SEMA3D: variants seen among roughly 807,000 people sequenced by gnomAD.
SEMA3D encodes semaphorin-3D.
Under a neutral mutation model 100.1 loss-of-function variants are expected in SEMA3D, and 84 were observed. The ratio of observed to expected loss-of-function variants is 0.84; its 90% CI spans 0.70 to 1.01. SEMA3D has a LOEUF of 1.01. SEMA3D is among the 50% of genes least tolerant of loss of function. The pLI, the probability that SEMA3D is intolerant of heterozygous loss-of-function variation, is 0.00. For missense variants in SEMA3D, 875 were observed against 934.1 expected (o/e 0.94, Z 0.82); for synonymous variants, 312 against 320.7 (o/e 0.97, Z 0.29).
At chr7:85,162,289 A>G (rs1377777713) in intron 1 of SEMA3D, among the ~76,000 whole-genome samples, 1 of 152,138 alleles carries the variant, frequency 6.6e-6, no homozygotes, top group Non-Finnish European at 1.5e-5. Flanking sequence ...CAATTCATGT[A>G]CTAAGTCACA....
At chr7:85,161,402 T>C (rs1790740417) in intron 1 of SEMA3D, among the ~76,000 whole-genome samples, 2 of 152,064 alleles carry the variant, frequency 1.3e-5, no homozygotes, top group African/African-American at 4.8e-5. Flanking sequence ...TATAGATAGA[T>C]ACAGAAATAA....
chr7:85,040,739 T>C lies in SEMA3D; in HGVS notation c.980A>G (p.Asp327Gly). ...GADTYFDELQ[D>G]IYLLPTRDER... ...ATCTCTTGTGGGGAGTAAATAAATA[T>C]CTTCTATTAAAGGGGAAAAATAAAT... Residue 327 changes from aspartate (D) to glycine (G), a missense_variant, in exon 11 of 19, where the codon GAT becomes GGT. By Grantham distance (94) the Asp-to-Gly change is moderately conservative. Coordinates refer to ENST00000284136, the MANE Select transcript of SEMA3D (RefSeq NM_001384900.1). The C allele has an allele frequency of 7.5e-7, 1 of 1,330,466 alleles. No individual in the cohort carries two copies. 82.4% of individuals were successfully genotyped at this position (1,330,466 alleles called of 1,614,324 possible). A position where few individuals can be genotyped will look rare whatever the true frequency, so the allele number is the denominator to read the frequency against.
intron 4 of SEMA3D, among the ~76,000 whole-genome samples, chr7:85,090,551 G>A (rs1788353977): frequency 6.6e-6 from 1 of 152,120 alleles, no homozygotes; most frequent in East Asian, 1.9e-4. Context: ...AGAATTAAAA[G>A]ACTGATGATT....
the SEMA3D span, among the ~76,000 whole-genome samples, chr7:85,243,239 T>A: frequency 1.3e-5 from 2 of 152,206 alleles, no homozygotes; most frequent in Non-Finnish European, 2.9e-5. Context: ...TATTTCAAAA[T>A]GGTTTGCTTT....
chr7:85,091,167 AAGGAAAGAAGGAAG>A (rs2116282777), intron 4 of SEMA3D, among the ~76,000 whole-genome samples: 1 of 122,822 alleles, frequency 8.1e-6, no homozygotes, highest in African/African-American at 4.5e-5. Context: ...GGAAGGAAGG[AAGGAAAGAAGGAAG>A]GAAGGAAGAG....
At chr7:85,164,983 T>C (rs1458205909) in intron 1 of SEMA3D, among the ~76,000 whole-genome samples, 1 of 109,588 alleles carries the variant, frequency 9.1e-6, no homozygotes, top group African/African-American at 4.0e-5. Flanking sequence ...CTCCTAATGC[T>C]ATCCCTCCCC....
At chr7:85,135,234 T>A (rs1789824135) in intron 2 of SEMA3D, among the ~76,000 whole-genome samples, 1 of 152,138 alleles carries the variant, frequency 6.6e-6, no homozygotes, top group African/African-American at 2.4e-5. Flanking sequence ...TACATAGTAC[T>A]TGCAAAATAA....
At chr7:85,048,361 T>A (rs1252718677) in intron 9 of SEMA3D, among the ~76,000 whole-genome samples, 1 of 151,720 alleles carries the variant, frequency 6.6e-6, no homozygotes, top group Admixed American at 6.6e-5. Context: ...TGGGGCTGTA[T>A]AAATAAATAA....
chr7:85,063,290 G>A (rs1294804717), intron 8 of SEMA3D, among the ~76,000 whole-genome samples: 5 of 152,054 alleles, frequency 3.3e-5, no homozygotes, highest in Admixed American at 6.5e-5. Flanking sequence ...AAAAGAACAG[G>A]AGCAAACTGA....
chr7:85,192,040 G>A (rs1483927771), upstream of SEMA3D, among the ~76,000 whole-genome samples: 1 of 152,008 alleles, frequency 6.6e-6, no homozygotes, highest in Non-Finnish European at 1.5e-5. Flanking sequence ...GTATAATAAA[G>A]CATTTAAGAT....
chr7:85,108,933 T>A (rs1031577553), intron 3 of SEMA3D, among the ~76,000 whole-genome samples: 5 of 151,824 alleles, frequency 3.3e-5, no homozygotes, highest in African/African-American at 1.2e-4. Flanking sequence ...TTAACATGCA[T>A]TTACTTGAAA....
At chr7:85,136,965 T>C (rs1049792377) in intron 2 of SEMA3D, among the ~76,000 whole-genome samples, 1 of 152,108 alleles carries the variant, frequency 6.6e-6, no homozygotes, top group Non-Finnish European at 1.5e-5. Flanking sequence ...GTAAATTTAG[T>C]ATGTTGATAT....
chr7:85,204,912 A>G, the SEMA3D span, among the ~76,000 whole-genome samples: 3 of 152,124 alleles, frequency 2.0e-5, no homozygotes, highest in Non-Finnish European at 4.4e-5. Context: ...ATATCCTAAT[A>G]AATAGTAACA....
chr7:85,219,645 C>T, the SEMA3D span, among the ~76,000 whole-genome samples: 1 of 152,012 alleles, frequency 6.6e-6, no homozygotes, highest in East Asian at 1.9e-4. Flanking sequence ...CAGGCACACA[C>T]TCACAGGAGA....
At chr7:85,147,092 CTTTTTTTTTTTT>C (rs752922884) in intron 2 of SEMA3D, among the ~76,000 whole-genome samples, 6 of 48,180 alleles carry the variant, frequency 1.2e-4, no homozygotes, top group African/African-American at 2.9e-4. Flanking sequence ...TTTTTCTTTT[CTTTTTTTTTTTT>C]TTTTTTTTTT....
chr7:85,238,538 A>G, the SEMA3D span, among the ~76,000 whole-genome samples: 75 of 152,264 alleles, frequency 4.9e-4, no homozygotes, highest in South Asian at 5.0e-3. Flanking sequence ...TGGGCTATCT[A>G]TTCTATTCTA....
rs917747503 is a variant in SEMA3D at position 85,180,938 on chromosome 7, G to C, written c.-173+5740C>G. ...CTTTGTTTTTGAAGACAGGTGTGAA[G>C]ATTACTGATCAGGTATTTTGTAGAA... On this transcript the variant is annotated intron_variant, in intron 1 of 18. Transcript: ENST00000284136. 4.6e-5 allele frequency among the ~76,000 whole-genome samples: 7 copies of C among 152,280 alleles called. No individual in the cohort carries two copies. The East Asian group carries it at 1.4e-3, about 29-fold the overall frequency.
rs370173895 is a variant in SEMA3D, at chr7:85,073,832, T to G, written c.376-751A>C. ...ATAATCTCTGTTTTTTCTCATGGAC[T>G]TTTTTTACACCAAGTCAAATTTTTG... On this transcript the variant is annotated intron_variant, in intron 5 of 18. Coordinates refer to ENST00000284136, the MANE Select transcript of SEMA3D (RefSeq NM_001384900.1). Among the ~76,000 whole-genome samples the G allele has an allele frequency of 1.5e-3, 230 of 152,242 alleles. 1 individual carries two copies. In the Middle Eastern group the frequency reaches 0.044, roughly 29 times the overall value.
the SEMA3D span, among the ~76,000 whole-genome samples, chr7:85,202,834 A>T: frequency 7.0e-6 from 1 of 142,688 alleles, no homozygotes; most frequent in African/African-American, 2.6e-5. Flanking sequence ...CTTTTTTTTT[A>T]AACACAATTG....
Sources: allele counts gnomAD v4.1 joint callset (sites outside exome capture counted in the v4.1 genomes callset), GRCh38; gene constraint gnomAD v4.1.1; transcripts MANE v1.5; gene names NCBI Gene and HGNC (gene_info 2026-07-23, HGNC 2026-07-21).